SYNPR: variants seen among roughly 807,000 people sequenced by gnomAD.
SYNPR encodes synaptoporin.
SYNPR carries 23 observed loss-of-function variants against 32.9 expected under a neutral mutation model. That is an observed-to-expected ratio of 0.70 (90% CI 0.50 to 0.99). The LOEUF is 0.99. SYNPR is among the 50% of genes least tolerant of loss of function. SYNPR has a pLI of 0.00. For missense variants in SYNPR, 318 were observed against 349.3 expected, an observed-to-expected ratio of 0.91 and a Z score of 0.71; for synonymous variants, 146 against 135.9, an observed-to-expected ratio of 1.07 and a Z score of -0.52.
intron 2 of SYNPR, among the ~76,000 whole-genome samples, chr3:63,476,285 G>C (rs1194196881): frequency 2.1e-5 from 1 of 48,058 alleles, no homozygotes; most frequent in Non-Finnish European, 4.6e-5. Flanking sequence ...GGGAGGGAAG[G>C]AAGGGAAGGG....
intron 2 of SYNPR, among the ~76,000 whole-genome samples, chr3:63,416,569 A>T (rs2088544174): frequency 6.6e-6 from 1 of 150,852 alleles, no homozygotes; most frequent in Non-Finnish European, 1.5e-5. Context: ...AAAAACACAG[A>T]AGTTATTGCT....
At chr3:63,532,051 A>G (rs1050485058) in intron 3 of SYNPR, among the ~76,000 whole-genome samples, 5 of 152,230 alleles carry the variant, frequency 3.3e-5, no homozygotes, top group African/African-American at 4.8e-5. Context: ...CCCAACTTTT[A>G]TGAGAAGCAG....
rs529144203 is a variant in SYNPR, at chr3:63,343,354, C to T, written c.84+64612C>T. Among the ~76,000 whole-genome samples, 105 of 152,146 alleles carry T rather than the reference C, an allele frequency of 6.9e-4. 1 individual carries two copies. Among genetic ancestry groups the T allele is most frequent in the African/African-American group, 2.4e-3 (100 of 41,506 alleles). ...TATGGACAATGGATTCTAGGAGAGC[C>T]GAGGAACATATTATGAAGATAACAT... On this transcript the variant is annotated intron_variant, in intron 2 of 5. Transcript: ENST00000478300.
intron 2 of SYNPR, among the ~76,000 whole-genome samples, chr3:63,365,171 C>A (rs2087716391): frequency 6.6e-6 from 1 of 152,122 alleles, no homozygotes; most frequent in Non-Finnish European, 1.5e-5. Context: ...AGCTGAAGTG[C>A]AGGATATTGG....
Position 63,480,860 on chromosome 3 carries a change from G to T in SYNPR, c.113G>T (p.Cys38Phe), listed in dbSNP as rs1701032948. ...TTTGCAATCTTTGCATTTGCAACATGCGGTGGCTATTCTGGAGGCCTGCGG... is the reference window on the plus strand; with the variant it reads ...TTTGCAATCTTTGCATTTGCAACATTCGGTGGCTATTCTGGAGGCCTGCGG... ...LLFAIFAFAT[C>F]GGYSGGLRLS... The change falls in exon 3 of 6, where the codon TGC becomes TTC. Residue 38 changes from cysteine (C) to phenylalanine (F), a missense_variant. Physicochemically the swap from Cys to Phe is radical, Grantham distance 205. Coordinates refer to ENST00000478300, the MANE Select transcript of SYNPR (RefSeq NM_001130003.2). 2 of 1,613,394 alleles carry T rather than the reference G, an allele frequency of 1.2e-6. No homozygotes were observed. The highest frequency in any genetic ancestry group is 1.7e-5 in the Admixed American group (1 of 59,964).
chr3:63,349,392 G>A (rs559370254), intron 2 of SYNPR, among the ~76,000 whole-genome samples: 4 of 152,264 alleles, frequency 2.6e-5, no homozygotes, highest in East Asian at 3.9e-4. Flanking sequence ...GAGCCACCGC[G>A]CCTGGCCAAC....
chr3:63,414,530 AT>A (rs2088514064), intron 2 of SYNPR, among the ~76,000 whole-genome samples: 1 of 152,224 alleles, frequency 6.6e-6, no homozygotes, highest in Non-Finnish European at 1.5e-5. Context: ...TCTTTTCATT[AT>A]TGCAATTCAG....
chr3:63,234,529 G>A (rs1249081168), intron 1 of SYNPR, among the ~76,000 whole-genome samples: 1 of 152,152 alleles, frequency 6.6e-6, no homozygotes, highest in Non-Finnish European at 1.5e-5. Context: ...TTCTAATGCT[G>A]TATACCCTTT....
intron 2 of SYNPR, among the ~76,000 whole-genome samples, chr3:63,398,059 G>T (rs952109484): frequency 2.0e-5 from 3 of 152,182 alleles, no homozygotes; most frequent in Non-Finnish European, 4.4e-5. Flanking sequence ...AAGAAAAGAG[G>T]GTGAACCTTT....
In SYNPR at chr3:63,445,630, C is replaced by T; in HGVS notation, c.85-35202C>T. 4.6e-6 allele frequency: 3 copies of T among 647,328 alleles called. No homozygotes were observed. In the South Asian group the frequency reaches 5.2e-5, roughly 11 times the overall value. The allele number at this position is 647,328 out of a possible 1,614,324, so 40.1% of individuals were successfully genotyped here. On this transcript the variant is annotated intron_variant, in intron 2 of 5. Transcript: ENST00000478300. Reference sequence around the variant, plus strand: ...TGCTAAGCATTTTACATGGCTTATCCCCTTTAATCTTGACAAGCACTCTAT... The same window carrying T: ...TGCTAAGCATTTTACATGGCTTATCTCCTTTAATCTTGACAAGCACTCTAT...
intron 2 of SYNPR, among the ~76,000 whole-genome samples, chr3:63,468,234 G>A (rs1322956476): frequency 1.3e-5 from 2 of 150,370 alleles, no homozygotes; most frequent in Non-Finnish European, 1.5e-5. Context: ...TAATCAAAAC[G>A]AGTCCATGAA....
the SYNPR span, among the ~76,000 whole-genome samples, chr3:63,211,772 A>T: frequency 6.9e-6 from 1 of 145,170 alleles, no homozygotes; most frequent in Admixed American, 6.9e-5. Context: ...GGTTAGTTAC[A>T]TATGTATACA....
At chr3:63,582,090 A>ATATG (rs1703103353) in intron 4 of SYNPR, among the ~76,000 whole-genome samples, 1 of 142,018 alleles carries the variant, frequency 7.0e-6, no homozygotes, top group African/African-American at 2.7e-5. Context: ...TTGCATACTT[A>ATATG]CCTCCAGAAT....
chr3:63,341,789 G>C (rs2087373321), intron 2 of SYNPR, among the ~76,000 whole-genome samples: 1 of 151,998 alleles, frequency 6.6e-6, no homozygotes, highest in African/African-American at 2.4e-5. Flanking sequence ...CCCACTTCAT[G>C]GCTTGTATTT....
At chr3:63,560,749 C>T (rs1702673461) in intron 4 of SYNPR, among the ~76,000 whole-genome samples, 1 of 152,150 alleles carries the variant, frequency 6.6e-6, no homozygotes, top group South Asian at 2.1e-4. Context: ...CTACCAAACA[C>T]TTATAAAACC....
At position 63,414,525 on chromosome 3, in the gene SYNPR, T is replaced by G. The variant is rs2088513986; in HGVS notation, c.85-66307T>G. ...CTGCAACAAACCTGTCTTTGTCTTT[T>G]CATTATTGCAATTCAGAAATATTGT... On this transcript the variant is annotated intron_variant, in intron 2 of 5. Coordinates refer to ENST00000478300, the MANE Select transcript of SYNPR (RefSeq NM_001130003.2). 2.0e-5 allele frequency among the ~76,000 whole-genome samples: 3 copies of G among 152,206 alleles called. No individual in the cohort carries two copies. In the South Asian group the frequency reaches 6.2e-4, roughly 31 times the overall value.
At chr3:63,445,159 A>G (rs1209787007) in intron 2 of SYNPR, among the ~76,000 whole-genome samples, 2 of 152,106 alleles carry the variant, frequency 1.3e-5, no homozygotes, top group South Asian at 4.1e-4. Context: ...ATGTGAAGTC[A>G]TTTGCTATAG....
chr3:63,541,074 G>A (rs1559530941), intron 3 of SYNPR, among the ~76,000 whole-genome samples: 1 of 151,804 alleles, frequency 6.6e-6, no homozygotes, highest in East Asian at 2.0e-4. Context: ...TCTTGGAGCT[G>A]GGAGAACGAT....
intron 1 of SYNPR, among the ~76,000 whole-genome samples, chr3:63,249,138 T>A (rs947412966): frequency 5.3e-5 from 8 of 152,120 alleles, no homozygotes; most frequent in Non-Finnish European, 1.2e-4. Context: ...TGCACATCAG[T>A]AAGGAGTTCA....
Sources: gnomAD v4.1 joint callset for allele counts (sites outside exome capture counted in the v4.1 genomes callset) on GRCh38, gnomAD v4.1.1 for gene constraint, MANE v1.5 for transcripts, NCBI Gene and HGNC (gene_info 2026-07-23, HGNC 2026-07-21) for gene names.